Variants in SOX6 observed in about 807,000 individuals in gnomAD.
SOX6 encodes the protein SRY-box transcription factor 6.
In SOX6, 11 loss-of-function variants were observed where a neutral mutation model predicts 97.8. That is an observed-to-expected ratio of 0.11 (90% confidence interval 0.07 to 0.19). The LOEUF is 0.19. Among genes scored for constraint, SOX6 ranks in the 10% least tolerant of loss-of-function variants. The probability of loss-of-function intolerance (pLI) is 1.00; values close to 1 mark genes in which losing one functional copy is unlikely to be tolerated. For missense variants in SOX6, 810 were observed against 1,039.5 expected (o/e 0.78, Z 3.04); for synonymous variants, 360 against 371.4 (o/e 0.97, Z 0.35).
chr11:16,534,330 G>A (rs1311816046), intron 4 of SOX6, among the ~76,000 whole-genome samples: 2 of 152,046 alleles, frequency 1.3e-5, no homozygotes, highest in Admixed American at 6.6e-5. Context: ...GAAAGTTATA[G>A]ATAACACTGA....
intron 12 of SOX6, among the ~76,000 whole-genome samples, chr11:16,033,069 C>T (rs528650167): frequency 1.3e-5 from 2 of 152,222 alleles, no homozygotes; most frequent in African/African-American, 4.8e-5. Flanking sequence ...ATCAGACTAC[C>T]AGACTACACT....
intron 3 of SOX6, among the ~76,000 whole-genome samples, chr11:16,680,401 C>G (rs1465636376): frequency 6.6e-6 from 1 of 152,168 alleles, no homozygotes; most frequent in Non-Finnish European, 1.5e-5. Flanking sequence ...TACAGACAAG[C>G]AAATGCTGAG....
intron 1 of SOX6, among the ~76,000 whole-genome samples, chr11:16,355,230 A>G (rs933970181): frequency 6.6e-6 from 1 of 152,050 alleles, no homozygotes; most frequent in Non-Finnish European, 1.5e-5. Flanking sequence ...CAAACTCACA[A>G]ACAATAAGGT....
chr11:15,986,559 A>G (rs1853847177), intron 14 of SOX6, 139 bp from the exon 15 acceptor site: 1 of 754,954 alleles, frequency 1.3e-6, no homozygotes, highest in Admixed American at 2.1e-5. Context: ...TGGCTGTCCC[A>G]ACTATACTTT....
At chr11:16,365,504 T>TA (rs930797051) in intron 1 of SOX6, among the ~76,000 whole-genome samples, 3 of 151,492 alleles carry the variant, frequency 2.0e-5, no homozygotes, top group Non-Finnish European at 4.4e-5. Flanking sequence ...ATCAACATAG[T>TA]AAAAAAAAAT....
intron 3 of SOX6, among the ~76,000 whole-genome samples, chr11:16,686,100 C>T (rs1564869037): frequency 6.6e-6 from 1 of 152,222 alleles, no homozygotes; most frequent in Non-Finnish European, 1.5e-5. Flanking sequence ...AGCATTCTTG[C>T]CTTCTAGACC....
At chr11:16,037,272 T>A (rs1855543791) in intron 12 of SOX6, among the ~76,000 whole-genome samples, 1 of 152,134 alleles carries the variant, frequency 6.6e-6, no homozygotes, top group South Asian at 2.1e-4. Flanking sequence ...AATTTGGAGG[T>A]TGGGAATTCT....
intron 4 of SOX6, among the ~76,000 whole-genome samples, chr11:16,594,021 T>G (rs66670205): frequency 0.13 from 19,742 of 152,164 alleles, 1,489 homozygotes; most frequent in Non-Finnish European, 0.17. Flanking sequence ...AACAAAGAAA[T>G]CAAACACAAA....
chr11:16,493,358 A>G (rs1487288769), intron 4 of SOX6, among the ~76,000 whole-genome samples: 1 of 152,242 alleles, frequency 6.6e-6, no homozygotes, highest in Non-Finnish European at 1.5e-5. Context: ...GACCATTTAT[A>G]TAAAGTAAAG....
intron 1 of SOX6, among the ~76,000 whole-genome samples, chr11:16,445,754 G>A (rs1859598811): frequency 6.6e-6 from 1 of 151,760 alleles, no homozygotes; most frequent in African/African-American, 2.4e-5. Context: ...TTCTCCTCTG[G>A]GGTAGCATCA....
At chr11:16,146,034 A>G (rs1166029199) in intron 6 of SOX6, among the ~76,000 whole-genome samples, 3 of 152,068 alleles carry the variant, frequency 2.0e-5, no homozygotes, top group East Asian at 1.9e-4. Context: ...AAAAGAGCCC[A>G]CATTGCCAAG....
At chr11:16,031,669 C>T (rs1214687756) in intron 12 of SOX6, among the ~76,000 whole-genome samples, 1 of 151,996 alleles carries the variant, frequency 6.6e-6, no homozygotes, top group Non-Finnish European at 1.5e-5. Flanking sequence ...AGACTGCACC[C>T]TAACTGCAGT....
intron 4 of SOX6, among the ~76,000 whole-genome samples, chr11:16,483,207 G>A (rs1860373520): frequency 6.6e-6 from 1 of 152,090 alleles, no homozygotes; most frequent in Non-Finnish European, 1.5e-5. Flanking sequence ...CAAATAAGAG[G>A]CAATTATACC....
intron 4 of SOX6, among the ~76,000 whole-genome samples, chr11:16,222,598 A>G (rs1223306935): frequency 6.6e-6 from 1 of 152,174 alleles, no homozygotes; most frequent in Non-Finnish European, 1.5e-5. Context: ...CAGAATAGAT[A>G]CAAACAAACA....
intron 10 of SOX6, among the ~76,000 whole-genome samples, chr11:16,050,784 A>T (rs1382255523): frequency 6.6e-6 from 1 of 152,160 alleles, no homozygotes. Flanking sequence ...GCCATAAAAT[A>T]CTTGAAATAA....
At chr11:16,570,713 A>T (rs1847929757) in intron 4 of SOX6, among the ~76,000 whole-genome samples, 1 of 152,344 alleles carries the variant, frequency 6.6e-6, no homozygotes, top group Non-Finnish European at 1.5e-5. Flanking sequence ...ATCATATGAA[A>T]AAGATCAACA....
chr11:16,513,438 G>C (rs1406189683), intron 4 of SOX6, among the ~76,000 whole-genome samples: 1 of 152,014 alleles, frequency 6.6e-6, no homozygotes, highest in Non-Finnish European at 1.5e-5. Flanking sequence ...TTTGAGACCA[G>C]CCTGGCCAAC....
At chr11:16,414,189 G>A (rs941642450) in intron 1 of SOX6, among the ~76,000 whole-genome samples, 1 of 152,192 alleles carries the variant, frequency 6.6e-6, no homozygotes, top group African/African-American at 2.4e-5. Context: ...CAGTGATAAT[G>A]AGAGTGATGT....
chr11:16,456,229 T>C (rs1435263224), intron 1 of SOX6, among the ~76,000 whole-genome samples: 1 of 152,136 alleles, frequency 6.6e-6, no homozygotes, highest in Non-Finnish European at 1.5e-5. Context: ...ATTTTAGTGA[T>C]GGGTTTAGTC....
Sources: gnomAD v4.1 joint callset for allele counts (sites outside exome capture counted in the v4.1 genomes callset) on GRCh38, gnomAD v4.1.1 for gene constraint, MANE v1.5 for transcripts, NCBI Gene and HGNC (gene_info 2026-07-23, HGNC 2026-07-21) for gene names.